Variants in SCYL1 observed in about 807,000 individuals in gnomAD.
The protein encoded by SCYL1 is N-terminal kinase-like protein.
In SCYL1, 85 loss-of-function variants were observed where a neutral mutation model predicts 94.8. The observed-to-expected ratio is 0.90, with a 90% CI of 0.75 to 1.07. The LOEUF (loss-of-function observed/expected upper bound fraction) is 1.07, where lower values mean the gene tolerates loss of function less well. Ranked by LOEUF, SCYL1 falls within the 50% of genes least tolerant of loss-of-function variation. The pLI is 0.00. For missense variants in SCYL1, 968 were observed against 1,083.3 expected (o/e 0.89, Z 1.49); for synonymous variants, 459 against 435.5 (o/e 1.05, Z -0.67).
chr11:65,526,370 G>C lies in SCYL1; in HGVS notation c.602+20G>C. 6.4e-7 allele frequency: 1 copy of C among 1,568,542 alleles called. No homozygotes were observed. The highest frequency in any genetic ancestry group is 8.7e-7 in the Non-Finnish European group (1 of 1,152,314). On this transcript the variant is annotated intron_variant, in intron 4 of 17. Coordinates refer to ENST00000270176, the MANE Select transcript of SCYL1 (RefSeq NM_020680.4). This position sits in a 1 kb window ranked among gnomAD's most constrained non-coding sequence, Gnocchi z 4.1. ...GAAGTGGTGGGTGACTGGGGGCAGC[G>C]CGCCCCAACCTGCCCTGTCCTGGAG...
At position 65,526,333 on chromosome 11, in the gene SCYL1, A is replaced by G. The variant is rs775691329; in HGVS notation, c.585A>G (p.Arg195=). 1.9e-6 allele frequency: 3 copies of G among 1,604,430 alleles called. No homozygotes were observed. The highest frequency in any genetic ancestry group is 2.2e-5 in the South Asian group (2 of 90,446). ...CGGAGTTGGCTGACAGCAGTGGCAG[A>G]GTGGTCAGAGAGAAGTGGTGGGTGA... ...DPPELADSSG[R]VVREKWSADM... Residue 195 remains arginine, a synonymous_variant, in exon 4 of 18, where the codon AGA becomes AGG. Transcript: ENST00000270176. This position sits in a 1 kb window ranked among gnomAD's most constrained non-coding sequence, Gnocchi z 4.1.
intron 10 of SCYL1, chr11:65,535,588 G>A (rs774776086): frequency 4.5e-5 from 31 of 689,976 alleles, no homozygotes; most frequent in Non-Finnish European, 6.4e-5. Flanking sequence ...GAATCCAGGC[G>A]TGCTTGGCCC....
At chr11:65,536,934 T>A in intron 13 of SCYL1, 52 bp from the exon 14 acceptor site, 5 of 1,333,832 alleles carry the variant, frequency 3.7e-6, no homozygotes, top group Non-Finnish European at 5.3e-6. Flanking sequence ...CCTAGCAGCC[T>A]CTGCCCTGTC....
intron 1 of SCYL1, 37 bp from the exon 2 acceptor site, chr11:65,525,537 C>T (rs1855029841): frequency 1.9e-6 from 3 of 1,603,824 alleles, no homozygotes; most frequent in Non-Finnish European, 1.7e-6. Context: ...CACACAACAG[C>T]TCTGGGACCA....
At position 65,538,641 on chromosome 11, in the gene SCYL1, C is replaced by A. The variant is rs965622485; in HGVS notation, c.*75C>A. On this transcript the variant is annotated 3_prime_UTR_variant, in exon 18 of 18. Transcript: ENST00000270176. Reference sequence around the variant, plus strand: ...ATTTATTGTACAAACCATGTGAGCCCGGCCGGCCCAGCCAGGCCATCTCAC... The same window carrying A: ...ATTTATTGTACAAACCATGTGAGCCAGGCCGGCCCAGCCAGGCCATCTCAC... 6.7e-7 allele frequency: 1 copy of A among 1,502,982 alleles called. No homozygotes were observed. The allele number at this position is 1,502,982 out of a possible 1,614,324, so 93.1% of individuals were successfully genotyped here. A position where few individuals can be genotyped will look rare whatever the true frequency, so the allele number is the denominator to read the frequency against.
intron 9 of SCYL1, 71 bp from the exon 10 acceptor site, chr11:65,535,156 C>CA: frequency 6.3e-7 from 1 of 1,576,636 alleles, no homozygotes; most frequent in Non-Finnish European, 8.7e-7. Context: ...TGAGGGCTGC[C>CA]AGGAGGCTGT....
chr11:65,532,937 C>T (rs773860062), intron 9 of SCYL1, 132 bp downstream of exon 9: 28 of 676,058 alleles, frequency 4.1e-5, no homozygotes, highest in African/African-American at 5.3e-5. Context: ...GGGTTCAGGC[C>T]GTGGGTGCAG....
rs1361816911 is a variant in SCYL1 at position 65,535,262 on chromosome 11, C to T, written c.1266C>T (p.Ala422=). The T allele has an allele frequency of 6.2e-7, 1 of 1,614,212 alleles. No individual in the cohort carries two copies. The highest frequency in any genetic ancestry group is 1.7e-5 in the Admixed American group (1 of 60,028). The part of the protein sequence containing the change: ...MLLLAPKLNE[A]NLNVELMKHF... ...TCCTGGCCCCAAAGCTGAACGAGGC[C>T]AACCTCAATGTGGAGCTGATGAAGC... The change falls in exon 10 of 18, where the codon GCC becomes GCT. Residue 422 remains alanine, a synonymous_variant. Transcript: ENST00000270176.
At chr11:65,535,019 G>C (rs769871322) in intron 9 of SCYL1, 12 of 605,338 alleles carry the variant, frequency 2.0e-5, no homozygotes, top group African/African-American at 1.5e-4. Flanking sequence ...AAACAGGAGT[G>C]CAGACAGACT....
Position 65,536,144 on chromosome 11 carries a change from G to T in SCYL1, c.1575+3G>T. 6.2e-7 allele frequency: 1 copy of T among 1,612,772 alleles called. No individual in the cohort carries two copies. Among genetic ancestry groups the T allele is most frequent in the Non-Finnish European group, 8.5e-7 (1 of 1,179,140 alleles). ...CTGAGAAATCCGTGCGAGACCAGGT[G>T]AGGCACAGCTGGGCCTGGGCCCTGG... On this transcript the variant is annotated splice_donor_region_variant and intron_variant, in intron 11 of 17. Transcript: ENST00000270176.
Position 65,536,388 on chromosome 11 carries a change from C to T in SCYL1, c.1651+54C>T, listed in dbSNP as rs543925606. The T allele has an allele frequency of 5.1e-6, 8 of 1,579,464 alleles. No homozygotes were observed. In the East Asian group the frequency reaches 1.6e-4, roughly 31 times the overall value. ...TTCCCTGCCATGTCCTTGACTGTGA[C>T]CTGTTTGTGTCCCACCCCCACTGGA... On this transcript the variant is annotated intron_variant, in intron 12 of 17. Coordinates refer to ENST00000270176, the MANE Select transcript of SCYL1 (RefSeq NM_020680.4).
intron 14 of SCYL1, 115 bp downstream of exon 14, chr11:65,537,243 T>C: frequency 8.6e-7 from 1 of 1,164,704 alleles, no homozygotes; most frequent in Non-Finnish European, 1.2e-6. Context: ...CAGCACAGCA[T>C]CCCTGGCACG....
chr11:65,532,840 G>T, intron 9 of SCYL1, 35 bp downstream of exon 9: 1 of 1,538,210 alleles, frequency 6.5e-7, no homozygotes, highest in African/African-American at 1.4e-5. Flanking sequence ...GCTACCCCTG[G>T]TTTTCCAAGG....
chr11:65,528,927 C>G (rs543046416), intron 6 of SCYL1, among the ~76,000 whole-genome samples: 1 of 152,106 alleles, frequency 6.6e-6, no homozygotes, highest in African/African-American at 2.4e-5. Flanking sequence ...GGCGACAGCA[C>G]GTGGAGAGAT....
chr11:65,526,942 CACTG>C lies in SCYL1; in HGVS notation c.694-17_694-14del. 1.4e-5 allele frequency: 22 copies of C among 1,610,306 alleles called. No individual in the cohort carries two copies. Among genetic ancestry groups the C allele is most frequent in the Non-Finnish European group, 1.8e-5 (21 of 1,177,392 alleles). On this transcript the variant is annotated splice_polypyrimidine_tract_variant and intron_variant, in intron 5 of 17. Transcript: ENST00000270176. This position sits in a 1 kb window ranked among gnomAD's most constrained non-coding sequence, Gnocchi z 4.1. ...TGCCAGCTGGCTACCCCTGCCCTGA[CACTG>C]ACCCCTCCCCTACAGATCCCCAAAA...
At position 65,526,910 on chromosome 11, in the gene SCYL1, G is replaced by GC; in HGVS notation, c.693+41dup. On this transcript the variant is annotated intron_variant, in intron 5 of 17. Coordinates refer to ENST00000270176, the MANE Select transcript of SCYL1 (RefSeq NM_020680.4). The surrounding 1 kb of genome is among the most constrained non-coding windows in gnomAD (Gnocchi z 4.1). ...GCCCCTGGCTCTTTGCCCTGCCTCA[G>GC]CCCCTCTGCCAGCTGGCTACCCCTG... is the stretch of plus-strand genomic sequence containing the variant. The GC allele has an allele frequency of 6.2e-7, 1 of 1,611,268 alleles. No individual in the cohort carries two copies. The highest frequency in any genetic ancestry group is 8.5e-7 in the Non-Finnish European group (1 of 1,178,220).
In SCYL1 at chr11:65,536,662, G is replaced by A. The variant is rs1855661016; in HGVS notation, c.1728G>A (p.Gly576=). ...AASWAGWAVT[G]VSSLTSKLIR... ...GCTGGGCAGGCTGGGCCGTGACCGGGGTCTCCTCACTCACCTCCAAGCTGA... is the reference window on the plus strand; with the variant it reads ...GCTGGGCAGGCTGGGCCGTGACCGGAGTCTCCTCACTCACCTCCAAGCTGA... Residue 576 remains glycine (G), a synonymous_variant, in exon 13 of 18, where the codon GGG becomes GGA. Transcript: ENST00000270176. 6.2e-7 allele frequency: 1 copy of A among 1,614,032 alleles called. No individual in the cohort carries two copies. Among genetic ancestry groups the A allele is most frequent in the African/African-American group, 1.3e-5 (1 of 75,010 alleles).
At chr11:65,535,922 C>G (rs757469646) in intron 10 of SCYL1, 31 bp from the exon 11 acceptor site, 7 of 1,540,120 alleles carry the variant, frequency 4.5e-6, no homozygotes, top group Non-Finnish European at 3.5e-6. Context: ...TGACCCTACA[C>G]TCAGGAGCCC....
At position 65,535,223 on chromosome 11, in the gene SCYL1, A is replaced by C. The variant is rs889263679; in HGVS notation, c.1231-4A>C. The C allele has an allele frequency of 2.5e-6, 4 of 1,613,382 alleles. No homozygotes were observed. The highest frequency in any genetic ancestry group is 1.7e-5 in the Admixed American group (1 of 60,008). ...CACAGTTCCCACTCATTTCTGCCCC[A>C]CAGTCCATGCTGCTCCTGGCCCCAA... On this transcript the variant is annotated splice_region_variant and splice_polypyrimidine_tract_variant and intron_variant, in intron 9 of 17. Transcript: ENST00000270176.
Sources: gnomAD v4.1 joint callset for allele counts (sites outside exome capture counted in the v4.1 genomes callset) on GRCh38, gnomAD v4.1.1 for gene constraint, Gnocchi (gnomAD v3.1) non-coding constraint, MANE v1.5 for transcripts, NCBI Gene and HGNC (gene_info 2026-07-23, HGNC 2026-07-21) for gene names.